ZBTB20: variants seen among roughly 807,000 people sequenced by gnomAD.
ZBTB20 encodes zinc finger and BTB domain containing 20.
ZBTB20 carries 9 observed loss-of-function variants against 56.9 expected under a neutral mutation model. The observed-to-expected ratio is 0.16, with a 90% CI of 0.10 to 0.28. The LOEUF (loss-of-function observed/expected upper bound fraction) is 0.28, where lower values mean the gene tolerates loss of function less well. Ranked by LOEUF, ZBTB20 falls within the 10% of genes least tolerant of loss-of-function variation. The pLI, the probability that ZBTB20 is intolerant of heterozygous loss-of-function variation, is 1.00. For missense variants in ZBTB20, 655 were observed against 1,003.0 expected, an observed-to-expected ratio of 0.65 and a Z score of 4.69; for synonymous variants, 417 against 420.7, an observed-to-expected ratio of 0.99 and a Z score of 0.11.
At chr3:115,068,691 A>G (rs1450694349) in intron 2 of ZBTB20, among the ~76,000 whole-genome samples, 2 of 152,146 alleles carry the variant, frequency 1.3e-5, no homozygotes, top group Admixed American at 1.3e-4. Flanking sequence ...AGGCCCCGAA[A>G]GTGACCAATA....
intron 2 of ZBTB20, among the ~76,000 whole-genome samples, chr3:114,996,692 A>G (rs922823037): frequency 1.3e-5 from 2 of 151,912 alleles, no homozygotes; most frequent in Non-Finnish European, 2.9e-5. Flanking sequence ...TAACATACAC[A>G]TATGTCTTTA....
chr3:114,942,730 G>A (rs1276055902), intron 3 of ZBTB20, among the ~76,000 whole-genome samples: 3 of 145,998 alleles, frequency 2.1e-5, no homozygotes, highest in Non-Finnish European at 3.0e-5. Context: ...AAGTAAACAC[G>A]TTAAAGTAAG....
intron 1 of ZBTB20, among the ~76,000 whole-genome samples, chr3:115,141,055 T>C (rs997186530): frequency 3.9e-5 from 6 of 152,124 alleles, no homozygotes; most frequent in Admixed American, 6.5e-5. Context: ...CATATGTAAG[T>C]ATATCATTAC....
intron 8 of ZBTB20, chr3:114,388,134 C>A (rs1340184994): frequency 1.3e-5 from 2 of 152,168 alleles, no homozygotes; most frequent in Non-Finnish European, 2.9e-5. Flanking sequence ...CTGTAAAACA[C>A]CATCCCATTA....
chr3:114,728,240 AT>A (rs1193576686), intron 5 of ZBTB20, among the ~76,000 whole-genome samples: 1 of 152,186 alleles, frequency 6.6e-6, no homozygotes, highest in Admixed American at 6.5e-5. Flanking sequence ...ATGCATTTGT[AT>A]GGTGTTTTAC....
intron 5 of ZBTB20, among the ~76,000 whole-genome samples, chr3:114,775,936 A>G (rs2069571689): frequency 6.6e-6 from 1 of 152,166 alleles, no homozygotes; most frequent in Non-Finnish European, 1.5e-5. Context: ...TAAAATCTAC[A>G]AATCTGCAGA....
chr3:114,814,791 C>T (rs1578994588), intron 4 of ZBTB20, among the ~76,000 whole-genome samples: 1 of 152,200 alleles, frequency 6.6e-6, no homozygotes, highest in East Asian at 1.9e-4. Context: ...TGTACCCTGT[C>T]CAAGGCACCT....
chr3:114,499,740 T>TC (rs567158445), intron 7 of ZBTB20, among the ~76,000 whole-genome samples: 12 of 152,090 alleles, frequency 7.9e-5, no homozygotes, highest in Non-Finnish European at 1.5e-4. Flanking sequence ...TGTTTTTTTT[T>TC]CCCCCCGAAT....
chr3:114,814,360 A>T (rs374086585), intron 4 of ZBTB20, among the ~76,000 whole-genome samples: 28 of 151,766 alleles, frequency 1.8e-4, no homozygotes, highest in East Asian at 5.8e-4. Flanking sequence ...TAACAAAGAG[A>T]TATCTATCTG....
intron 2 of ZBTB20, among the ~76,000 whole-genome samples, chr3:115,066,717 T>G (rs1442297038): frequency 1.2e-4 from 19 of 152,080 alleles, no homozygotes; most frequent in Admixed American, 1.2e-3. Flanking sequence ...CATCTTCATC[T>G]CCTGTGGCTC....
intron 6 of ZBTB20, among the ~76,000 whole-genome samples, chr3:114,512,594 AT>A (rs2045536135): frequency 6.6e-6 from 1 of 152,106 alleles, no homozygotes; most frequent in African/African-American, 2.4e-5. Context: ...GAATGACCTG[AT>A]CCTTTGTGAG....
intron 4 of ZBTB20, among the ~76,000 whole-genome samples, chr3:114,886,997 T>C (rs1021975705): frequency 6.6e-6 from 1 of 152,158 alleles, no homozygotes; most frequent in Non-Finnish European, 1.5e-5. Flanking sequence ...GCAAAACTGG[T>C]GAAAGCCTTC....
At chr3:114,950,443 G>T (rs1284827883) in intron 3 of ZBTB20, among the ~76,000 whole-genome samples, 1 of 151,926 alleles carries the variant, frequency 6.6e-6, no homozygotes, top group African/African-American at 2.4e-5. Context: ...ACATCTTTTT[G>T]TACTTAAGGG....
intron 7 of ZBTB20, among the ~76,000 whole-genome samples, chr3:114,448,641 A>G (rs1559802300): frequency 6.6e-6 from 1 of 152,182 alleles, no homozygotes; most frequent in Non-Finnish European, 1.5e-5. Context: ...TAACACAGTA[A>G]CAGATTCGGA....
intron 2 of ZBTB20, among the ~76,000 whole-genome samples, chr3:115,032,891 T>C (rs2080752061): frequency 6.9e-6 from 1 of 145,614 alleles, no homozygotes; most frequent in African/African-American, 2.5e-5. Flanking sequence ...AGTTTATAAT[T>C]ATAAATGCTT....
At chr3:115,077,893 A>G (rs1453200107) in intron 1 of ZBTB20, among the ~76,000 whole-genome samples, 1 of 152,222 alleles carries the variant, frequency 6.6e-6, no homozygotes, top group Non-Finnish European at 1.5e-5. Flanking sequence ...TATTTATCAA[A>G]AGAAACTAAA....
chr3:114,787,394 T>C (rs71616165), intron 5 of ZBTB20, among the ~76,000 whole-genome samples: 37,771 of 134,446 alleles, frequency 0.28, 6,153 homozygotes, highest in African/African-American at 0.35. Flanking sequence ...CACACACACA[T>C]ATATATACAT....
intron 6 of ZBTB20, among the ~76,000 whole-genome samples, chr3:114,597,875 C>CT (rs1416730048): frequency 2.0e-5 from 3 of 152,002 alleles, no homozygotes; most frequent in African/African-American, 7.2e-5. Flanking sequence ...TAGTACTTTT[C>CT]TTTTTTATGT....
intron 11 of ZBTB20, 113 bp downstream of exon 11, chr3:114,350,161 G>A (rs2080539321): frequency 6.9e-7 from 1 of 1,457,270 alleles, no homozygotes; most frequent in South Asian, 1.4e-5. Context: ...GGTGGGGTCT[G>A]TTTAAAATCT....
Sources: gnomAD v4.1 joint callset for allele counts (sites outside exome capture counted in the v4.1 genomes callset) on GRCh38, gnomAD v4.1.1 for gene constraint, MANE v1.5 for transcripts, NCBI Gene and HGNC (gene_info 2026-07-23, HGNC 2026-07-21) for gene names.